The following ADGRV1 variants were observed in gnomAD, a reference collection of about 807,000 sequenced individuals.
ADGRV1 encodes the protein G-protein coupled receptor 98.
In ADGRV1, 359 loss-of-function variants were observed where a neutral mutation model predicts 596.2. The ratio of observed to expected loss-of-function variants is 0.60; its 90% CI spans 0.55 to 0.66. ADGRV1 has a LOEUF of 0.66. Among genes scored for constraint, ADGRV1 ranks in the 30% least tolerant of loss-of-function variants. The pLI, the probability that ADGRV1 is intolerant of heterozygous loss-of-function variation, is 0.00. For synonymous variants in ADGRV1, 2,681 were observed against 2,679.2 expected (o/e 1.00, Z -0.02); for missense variants, 7,274 against 7,575.6 (o/e 0.96, Z 1.48).
chr5:90,967,278 G>A (rs982986194), intron 84 of ADGRV1, among the ~76,000 whole-genome samples: 1 of 152,072 alleles, frequency 6.6e-6, no homozygotes, highest in Non-Finnish European at 1.5e-5. Flanking sequence ...TGCATATAGG[G>A]ATAATAATTC....
intron 29 of ADGRV1, among the ~76,000 whole-genome samples, chr5:90,687,803 C>T (rs2149604350): frequency 6.6e-6 from 1 of 152,170 alleles, no homozygotes; most frequent in South Asian, 2.1e-4. Context: ...TTCACAATTG[C>T]TTCAAAGAGA....
At chr5:90,875,729 C>T (rs1769159595) in intron 83 of ADGRV1, among the ~76,000 whole-genome samples, 1 of 152,076 alleles carries the variant, frequency 6.6e-6, no homozygotes, top group Non-Finnish European at 1.5e-5. Flanking sequence ...CTTCAAGCAG[C>T]TTTAGTAACT....
intron 72 of ADGRV1, among the ~76,000 whole-genome samples, chr5:90,806,001 G>T (rs747931027): frequency 1.2e-4 from 19 of 152,084 alleles, no homozygotes; most frequent in Non-Finnish European, 2.4e-4. Context: ...TGAATCTGAG[G>T]ATCTCCCTCC....
intron 48 of ADGRV1, among the ~76,000 whole-genome samples, chr5:90,727,278 G>A (rs1431709732): frequency 6.6e-6 from 1 of 152,046 alleles, no homozygotes; most frequent in African/African-American, 2.4e-5. Flanking sequence ...GTAGAGATGG[G>A]ATTTCACCAT....
chr5:90,835,951 C>T (rs1301607027), intron 77 of ADGRV1, among the ~76,000 whole-genome samples: 4 of 152,034 alleles, frequency 2.6e-5, no homozygotes, highest in African/African-American at 9.7e-5. Context: ...TAGATTTCAC[C>T]AGAAAGGATG....
chr5:90,978,188 G>A (rs1227986073), intron 84 of ADGRV1, among the ~76,000 whole-genome samples: 2 of 151,952 alleles, frequency 1.3e-5, no homozygotes, highest in Non-Finnish European at 2.9e-5. Context: ...CCAGCTACTA[G>A]GGAGGCTGAG....
At chr5:91,110,420 C>T (rs1415684131) in intron 87 of ADGRV1, among the ~76,000 whole-genome samples, 2 of 152,154 alleles carry the variant, frequency 1.3e-5, no homozygotes, top group Non-Finnish European at 1.5e-5. Flanking sequence ...GCTAGTGCAG[C>T]GCTAGACCTG....
intron 59 of ADGRV1, among the ~76,000 whole-genome samples, chr5:90,766,654 C>T (rs139942847): frequency 3.3e-5 from 5 of 152,260 alleles, no homozygotes; most frequent in African/African-American, 9.6e-5. Flanking sequence ...GAAGTGAAGG[C>T]GCAAGGTCCT....
At chr5:90,944,151 C>T (rs1776385560) in intron 83 of ADGRV1, among the ~76,000 whole-genome samples, 1 of 152,056 alleles carries the variant, frequency 6.6e-6, no homozygotes, top group African/African-American at 2.4e-5. Context: ...TAAAAGCTAA[C>T]CAAAAAGTAT....
At chr5:90,736,838 T>C (rs1753287398) in intron 50 of ADGRV1, among the ~76,000 whole-genome samples, 1 of 151,964 alleles carries the variant, frequency 6.6e-6, no homozygotes, top group Admixed American at 6.6e-5. Context: ...ATTTCTGATT[T>C]TGTTTGAATC....
In ADGRV1 at chr5:90,783,192, G is replaced by A. The variant is rs1335152037; in HGVS notation, c.13300G>A (p.Ala4434Thr). 6.2e-7 allele frequency: 1 copy of A among 1,613,664 alleles called. No homozygotes were observed. Residue 4434 changes from alanine (A) to threonine (T), a missense_variant, in exon 66 of 90, where the codon GCT (alanine) becomes ACT (threonine). Transcript: ENST00000405460. ...ACATGGAACTTATGGCTATGTGACA[G>A]CTGATTTCATCTCTCAGAGCTCCTC... ...RLHGTYGYVT[A>T]DFISQSSSAS...
intron 85 of ADGRV1, among the ~76,000 whole-genome samples, chr5:91,035,861 T>TATATATATATATATAATA: frequency 2.1e-5 from 2 of 96,404 alleles, no homozygotes; most frequent in African/African-American, 7.6e-5. Context: ...TATATATATA[T>TATATATATATATATAATA]TATATATATA....
Position 90,720,162 on chromosome 5 carries a change from A to T in ADGRV1, c.9562A>T (p.Ile3188Leu), listed in dbSNP as rs776669352. ...ARLGVHVQTL[I>L]TVLQNQAPLG... is the part of the protein sequence containing the mutation. ...ACTAGGGGTGCATGTTCAAACCCTGATAACAGTTTTGCAAAACCAGGCCCC... is the reference window on the plus strand; with the variant it reads ...ACTAGGGGTGCATGTTCAAACCCTGTTAACAGTTTTGCAAAACCAGGCCCC... The change falls in exon 44 of 90, where the codon ATA becomes TTA. Residue 3188 changes from isoleucine to leucine, a missense_variant. By Grantham distance (5) the Ile-to-Leu change is conservative. Around this residue, in one of 5 missense-constraint regions of ADGRV1, gnomAD observed 3,643 missense variants for 3,809.2 expected, o/e 0.96. Transcript: ENST00000405460. 1 of 1,610,152 alleles carries T rather than the reference A, an allele frequency of 6.2e-7. No individual in the cohort carries two copies. The highest frequency in any genetic ancestry group is 1.1e-5 in the South Asian group (1 of 89,828).
intron 20 of ADGRV1, among the ~76,000 whole-genome samples, chr5:90,656,924 T>C (rs947814011): frequency 6.6e-6 from 1 of 152,028 alleles, no homozygotes; most frequent in African/African-American, 2.4e-5. Flanking sequence ...TTTTTAAAAG[T>C]CCCCAAGACT....
At position 90,757,105 on chromosome 5, in the gene ADGRV1, G is replaced by C; in HGVS notation, c.11884G>C (p.Ala3962Pro). 6.2e-7 allele frequency: 1 copy of C among 1,613,928 alleles called. No homozygotes were observed. The highest frequency in any genetic ancestry group is 8.5e-7 in the Non-Finnish European group (1 of 1,179,822). Residue 3962 changes from alanine (A) to proline (P), a missense_variant, in exon 57 of 90, where the codon GCT becomes CCT. Coordinates refer to ENST00000405460, the MANE Select transcript of ADGRV1 (RefSeq NM_032119.4). Reference sequence around the variant, plus strand: ...TTATTGGAAAGCATCACCAGACAGTGCTGGCCTGGAAGACTTTAAACCATC... The same window carrying C: ...TTATTGGAAAGCATCACCAGACAGTCCTGGCCTGGAAGACTTTAAACCATC... ...NVYWKASPDS[A>P]GLEDFKPSHG...
chr5:91,035,861 T>TATAATA, intron 85 of ADGRV1, among the ~76,000 whole-genome samples: 52 of 96,314 alleles, frequency 5.4e-4, no homozygotes, highest in Non-Finnish European at 8.0e-4. Flanking sequence ...TATATATATA[T>TATAATA]TATATATATA....
chr5:91,031,248 C>T, intron 85 of ADGRV1: 2 of 1,589,022 alleles, frequency 1.3e-6, no homozygotes, highest in Non-Finnish European at 8.6e-7. Context: ...CCTCAGGTTG[C>T]TGTTGAATGT....
At chr5:90,835,266 G>A (rs923253753) in intron 77 of ADGRV1, among the ~76,000 whole-genome samples, 1 of 152,234 alleles carries the variant, frequency 6.6e-6, no homozygotes, top group African/African-American at 2.4e-5. Flanking sequence ...GGCATCCCAA[G>A]CCCAGTAATG....
rs3763073 is a variant in ADGRV1 at position 90,823,476 on chromosome 5, C to G, written c.16248C>G (p.Val5416=). 4.3e-5 allele frequency: 69 copies of G among 1,613,732 alleles called. No individual in the cohort carries two copies. Among genetic ancestry groups the G allele is most frequent in the Non-Finnish European group, 4.1e-5 (48 of 1,179,860 alleles). The change falls in exon 76 of 90, where the codon GTC becomes GTG. Residue 5416 remains valine (V), a synonymous_variant. Coordinates refer to ENST00000405460, the MANE Select transcript of ADGRV1 (RefSeq NM_032119.4). ...GGCGAGTCACACTTAACAAAACAGT[C>G]GTCGTGCTCCAGAAGGATGGGGTAA... ...VFWRVTLNKT[V]VVLQKDGVNL...
Sources: gnomAD v4.1 joint callset for allele counts (sites outside exome capture counted in the v4.1 genomes callset) on GRCh38, gnomAD v4.1.1 for gene constraint, gnomAD v4.1.1 regional missense constraint, MANE v1.5 for transcripts, NCBI Gene and HGNC (gene_info 2026-07-23, HGNC 2026-07-21) for gene names.